RAB3IP: variants seen among roughly 807,000 people sequenced by gnomAD.
The protein encoded by RAB3IP is rab-3A-interacting protein.
Under a neutral mutation model 59.1 loss-of-function variants are expected in RAB3IP, and 36 were observed. That is an observed-to-expected ratio of 0.61 (90% confidence interval 0.47 to 0.80). The LOEUF is 0.80. Among genes scored for constraint, RAB3IP ranks in the 30% least tolerant of loss-of-function variants. The probability of loss-of-function intolerance (pLI) is 0.00; values close to 1 mark genes in which losing one functional copy is unlikely to be tolerated. For missense variants in RAB3IP, 511 were observed against 536.0 expected (o/e 0.95, Z 0.46); for synonymous variants, 207 against 191.2 (o/e 1.08, Z -0.68).
intron 3 of RAB3IP, among the ~76,000 whole-genome samples, chr12:69,763,978 A>G (rs1174364844): frequency 6.6e-6 from 1 of 152,302 alleles, no homozygotes; most frequent in Non-Finnish European, 1.5e-5. Context: ...CTTGGTGTAT[A>G]TGCACTACAT....
At chr12:69,752,370 T>G (rs1484596828) in intron 1 of RAB3IP, among the ~76,000 whole-genome samples, 2 of 151,840 alleles carry the variant, frequency 1.3e-5, no homozygotes, top group African/African-American at 2.4e-5. Context: ...AGATAAAAGG[T>G]AGTTTACTGT....
At chr12:69,750,484 A>G (rs1592444457) in intron 1 of RAB3IP, among the ~76,000 whole-genome samples, 1 of 151,964 alleles carries the variant, frequency 6.6e-6, no homozygotes, top group African/African-American at 2.4e-5. Flanking sequence ...AAGAATCCAA[A>G]CAAGGCCCAC....
intron 3 of RAB3IP, among the ~76,000 whole-genome samples, chr12:69,772,722 C>A (rs1873351863): frequency 6.6e-6 from 1 of 152,102 alleles, no homozygotes; most frequent in Non-Finnish European, 1.5e-5. Context: ...TTTGATGTTA[C>A]AATTTATATC....
intron 4 of RAB3IP, among the ~76,000 whole-genome samples, chr12:69,791,124 A>C (rs1876535453): frequency 6.6e-6 from 1 of 152,192 alleles, no homozygotes; most frequent in Non-Finnish European, 1.5e-5. Flanking sequence ...CTGCTGAGAA[A>C]ATTGGATATC....
At chr12:69,799,088 G>C (rs758931289) in intron 6 of RAB3IP, among the ~76,000 whole-genome samples, 1 of 152,114 alleles carries the variant, frequency 6.6e-6, no homozygotes, top group Non-Finnish European at 1.5e-5. Context: ...TGTTGCTTTT[G>C]CTTTGATTCA....
At chr12:69,756,835 G>A (rs1283894527) in intron 3 of RAB3IP, among the ~76,000 whole-genome samples, 172 bp downstream of exon 3, 1 of 152,190 alleles carries the variant, frequency 6.6e-6, no homozygotes, top group Non-Finnish European at 1.5e-5. Context: ...AACTGGTTGG[G>A]TAGTAAAGAA....
chr12:69,812,788 C>T lies in RAB3IP; in HGVS notation c.1141C>T (p.Leu381Phe). 2 of 1,604,722 alleles carry T rather than the reference C, an allele frequency of 1.2e-6. No individual in the cohort carries two copies. Among genetic ancestry groups the T allele is most frequent in the Non-Finnish European group, 1.7e-6 (2 of 1,175,388 alleles). The change falls in exon 9 of 11, where the codon CTC becomes TTC. Residue 381 changes from leucine (L) to phenylalanine (F), a missense_variant. Coordinates refer to ENST00000247833, the MANE Select transcript of RAB3IP (RefSeq NM_022456.5). ...ATCATTATTTCACAGAAAATGTGCTCTCACTGGCCAGAGTAAGTCCTGTAA... is the reference window on the plus strand; with the variant it reads ...ATCATTATTTCACAGAAAATGTGCTTTCACTGGCCAGAGTAAGTCCTGTAA... Reference protein sequence around the residue: ...VECGGPKKCALTGQSKSCKHR... With the variant: ...VECGGPKKCAFTGQSKSCKHR...
intron 4 of RAB3IP, among the ~76,000 whole-genome samples, chr12:69,793,857 A>G (rs561409208): frequency 2.0e-5 from 3 of 152,234 alleles, no homozygotes; most frequent in Non-Finnish European, 4.4e-5. Flanking sequence ...AAGGAATTAA[A>G]TACCTAGAGT....
At chr12:69,768,387 G>A (rs543049426) in intron 3 of RAB3IP, among the ~76,000 whole-genome samples, 2 of 152,322 alleles carry the variant, frequency 1.3e-5, no homozygotes, top group East Asian at 1.9e-4. Flanking sequence ...TGTCCATGAC[G>A]GGTGAGGTGG....
At chr12:69,797,477 CTTTTT>C in intron 6 of RAB3IP, among the ~76,000 whole-genome samples, 6 of 54,944 alleles carry the variant, frequency 1.1e-4, no homozygotes, top group African/African-American at 1.8e-4. Context: ...TCTTTTCTTT[CTTTTT>C]TTTTTTTTTT....
intron 3 of RAB3IP, among the ~76,000 whole-genome samples, chr12:69,764,276 T>C (rs528578697): frequency 9.2e-5 from 14 of 152,338 alleles, no homozygotes; most frequent in African/African-American, 2.6e-4. Flanking sequence ...ATGGCAAAGA[T>C]TTCTTACATT....
chr12:69,742,842 T>TA (rs1420761347), intron 1 of RAB3IP, among the ~76,000 whole-genome samples: 5 of 152,200 alleles, frequency 3.3e-5, no homozygotes, highest in Admixed American at 3.3e-4. Context: ...ACATCGTACA[T>TA]AGTCATGGTT....
intron 3 of RAB3IP, among the ~76,000 whole-genome samples, chr12:69,763,802 C>T (rs4332561): frequency 0.087 from 13,270 of 152,088 alleles, 1,011 homozygotes; most frequent in East Asian, 0.4. Flanking sequence ...TTTTTCCCAT[C>T]TTTAGGTCCA....
intron 10 of RAB3IP, 150 bp from the exon 11 acceptor site, chr12:69,815,212 CTG>C (rs1238053459): frequency 3.5e-6 from 2 of 572,582 alleles, no homozygotes; most frequent in South Asian, 2.3e-5. Flanking sequence ...GGTCACAAGT[CTG>C]TGGAAAAGTT....
chr12:69,780,524 G>A (rs1317702412), intron 3 of RAB3IP, among the ~76,000 whole-genome samples: 1 of 152,248 alleles, frequency 6.6e-6, no homozygotes, highest in Non-Finnish European at 1.5e-5. Flanking sequence ...ACTGTAGTGA[G>A]AGAGGCTAGA....
At chr12:69,739,931 G>A (rs1887135187) in intron 1 of RAB3IP, 36 of 1,548,662 alleles carry the variant, frequency 2.3e-5, no homozygotes, top group Non-Finnish European at 3.1e-5. Flanking sequence ...AGGCAATTTA[G>A]TTTCATGGAA....
intron 8 of RAB3IP, among the ~76,000 whole-genome samples, chr12:69,808,066 G>A (rs370715140): frequency 0.089 from 13,535 of 152,176 alleles, 752 homozygotes; most frequent in East Asian, 0.13. Flanking sequence ...CTTTGAATGC[G>A]TCCCAGAGAT....
In RAB3IP at chr12:69,823,097, T is replaced by C. The variant is rs577650593; in HGVS notation, c.*7651T>C. The C allele has an allele frequency of 6.6e-6, 1 of 152,332 alleles. No individual in the cohort carries two copies. The highest frequency in any genetic ancestry group is 1.9e-4 in the East Asian group (1 of 5,196). The allele number at this position is 152,332 out of a possible 1,614,324, so 9.4% of individuals were successfully genotyped here. A position where few individuals can be genotyped will look rare whatever the true frequency, so the allele number is the denominator to read the frequency against. ...GATGGATATGCTAATTACCCTGATC[T>C]GATCACTACACATTATATGTATGGA... is the stretch of plus-strand genomic sequence containing the variant. On this transcript the variant is annotated 3_prime_UTR_variant, in exon 11 of 11. Transcript: ENST00000247833.
intron 3 of RAB3IP, among the ~76,000 whole-genome samples, chr12:69,783,483 TCC>T (rs1875097763): frequency 1.3e-5 from 2 of 152,170 alleles, no homozygotes; most frequent in African/African-American, 4.8e-5. Flanking sequence ...CGAGTTTTTT[TCC>T]CCTTAGGGTG....
Sources: allele counts gnomAD v4.1 joint callset (sites outside exome capture counted in the v4.1 genomes callset), GRCh38; gene constraint gnomAD v4.1.1; transcripts MANE v1.5; gene names NCBI Gene and HGNC (gene_info 2026-07-23, HGNC 2026-07-21).